ASIP: variants seen among roughly 807,000 people sequenced by gnomAD.
ASIP encodes agouti signaling protein, also known as agouti-signaling protein.
Under a neutral mutation model 10.3 loss-of-function variants are expected in ASIP, and 11 were observed. That is an observed-to-expected ratio of 1.07 (90% CI 0.68 to 1.78). The LOEUF is 1.78. ASIP is among the 40% of genes most tolerant of loss of function. The probability of loss-of-function intolerance (pLI) is 0.00; values close to 1 mark genes in which losing one functional copy is unlikely to be tolerated. For missense variants in ASIP, 180 were observed against 169.2 expected (o/e 1.06, Z -0.35); for synonymous variants, 70 against 70.8 (o/e 0.99, Z 0.06).
At chr20:34,239,504 T>C (rs2035255840), upstream of ASIP, among the ~76,000 whole-genome samples, 1 of 152,180 alleles carries the variant, frequency 6.6e-6, no homozygotes, top group Admixed American at 6.5e-5. Flanking sequence ...AAAGCCTTAC[T>C]TGGTGGGTCA....
intron 1 of ASIP, chr20:34,249,983 C>T (rs1310895004): frequency 2.6e-5 from 4 of 152,256 alleles, no homozygotes; most frequent in Admixed American, 2.6e-4. Flanking sequence ...GAAAGCCTGC[C>T]TTCATCTTAA....
chr20:34,258,269 G>A (rs2035607862), intron 1 of ASIP, among the ~76,000 whole-genome samples: 1 of 151,612 alleles, frequency 6.6e-6, no homozygotes, highest in Non-Finnish European at 1.5e-5. Flanking sequence ...AGACGGAGTT[G>A]GCAAACTTTT....
chr20:34,219,906 G>A (rs757689460), intron 1 of ASIP, among the ~76,000 whole-genome samples: 4 of 152,046 alleles, frequency 2.6e-5, no homozygotes, highest in Admixed American at 6.5e-5. Context: ...TGGCTAACAC[G>A]GTGAAACCCC....
intron 2 of ASIP, among the ~76,000 whole-genome samples, chr20:34,260,917 T>C (rs1256243769): frequency 1.3e-5 from 2 of 152,178 alleles, no homozygotes; most frequent in African/African-American, 4.8e-5. Flanking sequence ...GGGTTGGGAA[T>C]GAAGGCTCAG....
At chr20:34,262,934 G>A (rs1203274004) in intron 3 of ASIP, 41 bp downstream of exon 3, 3 of 1,608,820 alleles carry the variant, frequency 1.9e-6, no homozygotes, top group Admixed American at 1.7e-5. Context: ...TTGTTGGGGT[G>A]AGACTGGACT....
upstream of ASIP, among the ~76,000 whole-genome samples, chr20:34,236,774 A>T (rs981956133): frequency 2.0e-5 from 3 of 152,018 alleles, no homozygotes; most frequent in Non-Finnish European, 4.4e-5. Flanking sequence ...ATTTTGGGAA[A>T]CTCTAGATAA....
upstream of ASIP, among the ~76,000 whole-genome samples, chr20:34,193,347 C>G (rs1333456581): frequency 6.6e-6 from 1 of 152,130 alleles, no homozygotes; most frequent in East Asian, 1.9e-4. Context: ...GGATAATAAG[C>G]CAAATCATTC....
chr20:34,203,351 T>C (rs2122540067), intron 1 of ASIP, among the ~76,000 whole-genome samples: 2 of 152,018 alleles, frequency 1.3e-5, no homozygotes, highest in East Asian at 1.9e-4. Flanking sequence ...TTGGATTTAT[T>C]CCCAATTATT....
chr20:34,213,814 A>G (rs933861640), intron 1 of ASIP: 3 of 1,515,020 alleles, frequency 2.0e-6, no homozygotes, highest in East Asian at 2.3e-5. Context: ...GAATGTCTGT[A>G]AACAGTCCAG....
At chr20:34,220,902 G>A (rs934075361) in intron 1 of ASIP, among the ~76,000 whole-genome samples, 6 of 149,164 alleles carry the variant, frequency 4.0e-5, no homozygotes, top group Non-Finnish European at 8.9e-5. Flanking sequence ...TTGTCACTCC[G>A]AAAGCCCATT....
chr20:34,206,039 C>T (rs1305054987), intron 1 of ASIP, among the ~76,000 whole-genome samples: 2 of 152,196 alleles, frequency 1.3e-5, no homozygotes, highest in Non-Finnish European at 2.9e-5. Flanking sequence ...GTCACCCAGG[C>T]TGGAGTGCAG....
At chr20:34,260,343 C>T in intron 1 of ASIP, 22 bp from the exon 2 acceptor site, 1 of 1,600,524 alleles carries the variant, frequency 6.2e-7, no homozygotes, top group East Asian at 2.2e-5. Context: ...ACCCACCTGA[C>T]CACCTTCTCT....
intron 1 of ASIP, among the ~76,000 whole-genome samples, chr20:34,244,586 CA>C (rs1267481865): frequency 6.6e-6 from 1 of 152,124 alleles, no homozygotes; most frequent in Non-Finnish European, 1.5e-5. Flanking sequence ...AATCATTTTC[CA>C]ATTGTTCATT....
chr20:34,258,700 A>ATATATATATATATATATACACACACATAC lies in ASIP; in HGVS notation c.-10-1656_-10-1655insATATATATACACACACATACTATATATAT, dbSNP rs1555826880. Among the ~76,000 whole-genome samples, 97 of 77,916 alleles carry ATATATATATATATATATACACACACATAC rather than the reference A, an allele frequency of 1.2e-3. 13 individuals carry two copies. The highest frequency in any genetic ancestry group is 3.7e-3 in the East Asian group (7 of 1,908). 51.1% of individuals were successfully genotyped at this position (77,916 alleles called of 152,430 possible). The stretch of plus-strand genomic sequence containing the variant: ...ATATATATATATATATACATACTAT[A>ATATATATATATATATATACACACACATAC]TATATATATTATATATATTATAAAA... On this transcript the variant is annotated intron_variant, in intron 1 of 3. Coordinates refer to ENST00000374954, the MANE Select transcript of ASIP (RefSeq NM_001672.3).
intron 1 of ASIP, among the ~76,000 whole-genome samples, chr20:34,220,949 CCTT>C (rs775855734): frequency 1.5e-5 from 2 of 137,614 alleles, no homozygotes; most frequent in African/African-American, 6.0e-5. Flanking sequence ...TTTCTTCTTT[CCTT>C]CTTTTTTTTT....
At chr20:34,188,383 G>A in the ASIP span, among the ~76,000 whole-genome samples, 1 of 152,152 alleles carries the variant, frequency 6.6e-6, no homozygotes, top group Non-Finnish European at 1.5e-5. Flanking sequence ...GCGGTAGATG[G>A]ACAAGCATAA....
At chr20:34,246,237 G>A in intron 1 of ASIP, 1 of 1,513,906 alleles carries the variant, frequency 6.6e-7, no homozygotes, top group Non-Finnish European at 8.9e-7. Flanking sequence ...TGTTTTATTT[G>A]GCCTCTTCCA....
chr20:34,234,553 T>C (rs1250555353), intron 1 of ASIP, among the ~76,000 whole-genome samples: 2 of 152,058 alleles, frequency 1.3e-5, no homozygotes, highest in African/African-American at 2.4e-5. Context: ...TTCCTCACTC[T>C]GTTGCCCAAG....
intron 1 of ASIP, among the ~76,000 whole-genome samples, chr20:34,204,324 G>A (rs562378484): frequency 1.3e-5 from 2 of 150,896 alleles, no homozygotes; most frequent in South Asian, 2.1e-4. Flanking sequence ...GGGTTAAAGC[G>A]ATTCTCCTGC....
Sources: gnomAD v4.1 joint callset for allele counts (sites outside exome capture counted in the v4.1 genomes callset) on GRCh38, gnomAD v4.1.1 for gene constraint, MANE v1.5 for transcripts, NCBI Gene and HGNC (gene_info 2026-07-23, HGNC 2026-07-21) for gene names.